GLRA2: variants seen among roughly 807,000 people sequenced by gnomAD.
GLRA2 encodes glycine receptor alpha 2.
A neutral mutation model predicts 31.6 loss-of-function variants in GLRA2; 11 were observed. That is an observed-to-expected ratio of 0.35 (90% confidence interval 0.22 to 0.58). The LOEUF is 0.58. GLRA2 is among the 20% of genes least tolerant of loss of function. The pLI is 0.84. For synonymous variants in GLRA2, 132 were observed against 134.0 expected, an observed-to-expected ratio of 0.99 and a Z score of 0.10; for missense variants, 212 against 351.8, an observed-to-expected ratio of 0.60 and a Z score of 3.18.
At chrX:14,542,184 AG>A (rs1569489362) in intron 2 of GLRA2, among the ~76,000 whole-genome samples, 1 of 112,117 alleles carries the variant, frequency 8.9e-6, no homozygotes, top group Non-Finnish European at 1.9e-5. Context: ...GGCACTTCAA[AG>A]GAGGAACGGT....
chrX:14,456,049 A>G, the GLRA2 span, among the ~76,000 whole-genome samples: 1 of 111,605 alleles, frequency 9.0e-6, no homozygotes, highest in Non-Finnish European at 1.9e-5. Flanking sequence ...TAGAATACAC[A>G]TGATTTTTAT....
intron 3 of GLRA2, among the ~76,000 whole-genome samples, chrX:14,577,259 G>A (rs1187988568): frequency 8.8e-6 from 1 of 113,421 alleles, no homozygotes; most frequent in Non-Finnish European, 1.9e-5. Flanking sequence ...AATAGGTGTG[G>A]TTGTGTACCA....
intron 2 of GLRA2, among the ~76,000 whole-genome samples, chrX:14,551,353 G>A (rs1312699472): frequency 8.9e-6 from 1 of 111,898 alleles, no homozygotes; most frequent in Non-Finnish European, 1.9e-5. Flanking sequence ...CCTCAGATTT[G>A]AGCACATTAA....
chrX:14,639,695 A>C (rs1350840292), intron 7 of GLRA2, among the ~76,000 whole-genome samples: 2 of 111,853 alleles, frequency 1.8e-5, no homozygotes, highest in African/African-American at 6.5e-5. Context: ...TCTAAATTCT[A>C]ACAAATGCCT....
chrX:14,516,167 A>G, the GLRA2 span, among the ~76,000 whole-genome samples: 3 of 111,118 alleles, frequency 2.7e-5, no homozygotes, highest in East Asian at 8.5e-4. Context: ...GGGTCTTCAA[A>G]TAGATTATCC....
At chrX:14,548,090 C>T (rs373497799) in intron 2 of GLRA2, among the ~76,000 whole-genome samples, 28 of 111,423 alleles carry the variant, frequency 2.5e-4, no homozygotes, top group East Asian at 1.1e-3. Context: ...TCATGAAGTC[C>T]CTCCATATGT....
chrX:14,607,216 T>C lies in GLRA2; in HGVS notation c.663T>C (p.Phe221=), dbSNP rs2090343727. 1 of 1,195,236 alleles carries C rather than the reference T, an allele frequency of 8.4e-7. No individual in the cohort carries two copies. Among genetic ancestry groups the C allele is most frequent in the African/African-American group, 1.7e-5 (1 of 57,362 alleles). The change falls in exon 6 of 9, where the codon TTT becomes TTC. Residue 221 remains phenylalanine, a synonymous_variant. Transcript: ENST00000218075. The part of the protein sequence containing the change: ...QVAEGLTLPQ[F]ILKEEKELGY... Reference sequence around the variant, plus strand: ...CTGAAGGATTGACCCTGCCCCAGTTTATTTTGAAAGAAGAGAAGGAACTTG... The same window carrying C: ...CTGAAGGATTGACCCTGCCCCAGTTCATTTTGAAAGAAGAGAAGGAACTTG...
intron 7 of GLRA2, among the ~76,000 whole-genome samples, chrX:14,646,705 G>C (rs763169809): frequency 6.3e-5 from 7 of 111,865 alleles, no homozygotes; most frequent in Admixed American, 2.9e-4. Flanking sequence ...GGGATGTGCA[G>C]GTAGACATAC....
chrX:14,578,759 G>C (rs189087237), intron 3 of GLRA2, among the ~76,000 whole-genome samples: 1 of 111,688 alleles, frequency 9.0e-6, no homozygotes, highest in Admixed American at 9.5e-5. Context: ...ATGTCAGTAA[G>C]GGTCAAGGGT....
At chrX:14,452,707 A>C in the GLRA2 span, among the ~76,000 whole-genome samples, 2 of 112,002 alleles carry the variant, frequency 1.8e-5, no homozygotes, top group Non-Finnish European at 3.8e-5. Context: ...TGGGGGGATT[A>C]GTGTTCGGAC....
chrX:14,563,115 C>A (rs2089755597), intron 2 of GLRA2, among the ~76,000 whole-genome samples: 1 of 112,534 alleles, frequency 8.9e-6, no homozygotes, highest in Admixed American at 9.4e-5. Flanking sequence ...AAAGCCACTG[C>A]ATTTTCAGGG....
rs185440382 is a variant in GLRA2, at chrX:14,565,379, T to C, written c.203-8954T>C. The stretch of plus-strand genomic sequence containing the variant: ...AAAAATTGTTAAAAGAGACAAAGAA[T>C]GACATTATATATGGAGAGAGATCTC... On this transcript the variant is annotated intron_variant, in intron 2 of 8. Coordinates refer to ENST00000218075, the MANE Select transcript of GLRA2 (RefSeq NM_002063.4). Among the ~76,000 whole-genome samples the C allele has an allele frequency of 3.6e-5, 4 of 111,798 alleles. No individual in the cohort carries two copies. The East Asian group carries it at 1.1e-3, about 31-fold the overall frequency.
intron 8 of GLRA2, among the ~76,000 whole-genome samples, chrX:14,714,220 G>C (rs768302473): frequency 9.0e-6 from 1 of 110,759 alleles, no homozygotes; most frequent in South Asian, 3.9e-4. Context: ...AGCCAAAACA[G>C]GGGTTCTCAA....
intron 7 of GLRA2, among the ~76,000 whole-genome samples, chrX:14,656,420 T>C (rs946489437): frequency 2.6e-4 from 29 of 112,174 alleles, no homozygotes; most frequent in Non-Finnish European, 4.5e-4. Context: ...TTCTATGTTT[T>C]GTGAATCCTC....
At chrX:14,546,307 A>G (rs1037641508) in intron 2 of GLRA2, among the ~76,000 whole-genome samples, 1 of 111,485 alleles carries the variant, frequency 9.0e-6, no homozygotes, top group Non-Finnish European at 1.9e-5. Flanking sequence ...ACGTTTGTTT[A>G]TCATGCACAT....
intron 8 of GLRA2, among the ~76,000 whole-genome samples, chrX:14,701,283 G>A (rs750325026): frequency 2.2e-3 from 243 of 111,327 alleles, no homozygotes; most frequent in African/African-American, 7.6e-3. Flanking sequence ...TGCTGGATTC[G>A]GTGAGGTTCT....
the GLRA2 span, among the ~76,000 whole-genome samples, chrX:14,465,466 T>C: frequency 1.8e-5 from 2 of 112,544 alleles, no homozygotes; most frequent in Non-Finnish European, 3.8e-5. Flanking sequence ...TTAATTGCTC[T>C]GGTTAGGACT....
intron 2 of GLRA2, among the ~76,000 whole-genome samples, chrX:14,572,348 A>G (rs1273701602): frequency 8.9e-6 from 1 of 111,862 alleles, no homozygotes. Flanking sequence ...TTTTCTATCT[A>G]TCTTGCATAT....
At chrX:14,704,328 C>T (rs1022087091) in intron 8 of GLRA2, among the ~76,000 whole-genome samples, 6 of 112,382 alleles carry the variant, frequency 5.3e-5, no homozygotes, top group Non-Finnish European at 1.1e-4. Context: ...CTTCTTCTTT[C>T]ACTATCTAGC....
Sources: allele counts gnomAD v4.1 joint callset (sites outside exome capture counted in the v4.1 genomes callset), GRCh38; gene constraint gnomAD v4.1.1; transcripts MANE v1.5; gene names NCBI Gene and HGNC (gene_info 2026-07-23, HGNC 2026-07-21).